The following NIPAL4 variants were observed in gnomAD, a reference collection of about 807,000 sequenced individuals.
NIPAL4 encodes the protein NIPA like domain containing 4, also known as magnesium transporter NIPA4.
NIPAL4 carries 21 observed loss-of-function variants against 31.6 expected under a neutral mutation model. The ratio of observed to expected loss-of-function variants is 0.67; its 90% CI spans 0.47 to 0.96. The LOEUF is 0.96. Ranked by LOEUF, NIPAL4 falls within the 40% of genes least tolerant of loss-of-function variation. The pLI, the probability that NIPAL4 is intolerant of heterozygous loss-of-function variation, is 0.00. For missense variants in NIPAL4, 438 were observed against 508.0 expected, an observed-to-expected ratio of 0.86 and a Z score of 1.32; for synonymous variants, 175 against 211.1, an observed-to-expected ratio of 0.83 and a Z score of 1.48.
At position 157,472,652 on chromosome 5, in the gene NIPAL4, A is replaced by G; in HGVS notation, c.907A>G (p.Thr303Ala). Reference sequence around the variant, plus strand: ...GTTCCCCATCTACTACGTGTTCTTCACCACGGTGGTCGTTACCTCGTCCAT... The same window carrying G: ...GTTCCCCATCTACTACGTGTTCTTCGCCACGGTGGTCGTTACCTCGTCCAT... The part of the protein sequence containing the change: ...LVFPIYYVFF[T>A]TVVVTSSIIL... Residue 303 changes from threonine to alanine, a missense_variant, in exon 6 of 6, where the codon ACC becomes GCC. Transcript: ENST00000311946. 1 of 1,613,812 alleles carries G rather than the reference A, an allele frequency of 6.2e-7. No individual in the cohort carries two copies. Among genetic ancestry groups the G allele is most frequent in the Non-Finnish European group, 8.5e-7 (1 of 1,179,860 alleles).
intron 3 of NIPAL4, among the ~76,000 whole-genome samples, chr5:157,468,434 A>G (rs900522954): frequency 1.3e-5 from 2 of 152,238 alleles, no homozygotes; most frequent in African/African-American, 4.8e-5. Flanking sequence ...TGTGCCTGTC[A>G]GACTAGAAGC....
chr5:157,460,429 C>T, intron 1 of NIPAL4, 72 bp downstream of exon 1: 1 of 1,398,402 alleles, frequency 7.2e-7, no homozygotes, highest in Non-Finnish European at 9.8e-7. Flanking sequence ...ACCGCTCTCC[C>T]TCGCATCCTC....
At chr5:157,468,646 C>A in intron 3 of NIPAL4, 76 bp from the exon 4 acceptor site, 2 of 852,876 alleles carry the variant, frequency 2.3e-6, no homozygotes, top group Non-Finnish European at 4.1e-6. Flanking sequence ...CAGCTTGTTG[C>A]ACACGGAATT....
chr5:157,460,379 A>G, intron 1 of NIPAL4, 22 bp downstream of exon 1: 8 of 1,535,634 alleles, frequency 5.2e-6, no homozygotes, highest in Non-Finnish European at 7.0e-6. Flanking sequence ...AGGGCTGGGG[A>G]CCAGGCGGGC....
At chr5:157,467,479 C>T in intron 3 of NIPAL4, 1 of 271,436 alleles carries the variant, frequency 3.7e-6, no homozygotes, top group South Asian at 4.2e-5. Context: ...AATGTGTTGG[C>T]CCACTTAGAA....
intron 4 of NIPAL4, among the ~76,000 whole-genome samples, chr5:157,470,778 C>T (rs73309965): frequency 0.016 from 2,486 of 152,254 alleles, 63 homozygotes; most frequent in African/African-American, 0.058. Context: ...CCTACAATGG[C>T]CTCATTTGGC....
At position 157,472,719 on chromosome 5, in the gene NIPAL4, T is replaced by C. The variant is rs747404905; in HGVS notation, c.974T>C (p.Ile325Thr). ...TGGTACAGCATGTCTGCTGTGGACA[T>C]TGCAGGCACCCTCTCGGGCTTTGTC... Reference protein sequence around the residue: ...KEWYSMSAVDIAGTLSGFVTI... With the variant: ...KEWYSMSAVDTAGTLSGFVTI... The change falls in exon 6 of 6, where the codon ATT becomes ACT. Residue 325 changes from isoleucine to threonine, a missense_variant. By Grantham distance (89) the Ile-to-Thr change is moderately conservative. Coordinates refer to ENST00000311946, the MANE Select transcript of NIPAL4 (RefSeq NM_001099287.2). The C allele has an allele frequency of 5.6e-6, 9 of 1,613,878 alleles. No individual in the cohort carries two copies. Among genetic ancestry groups the C allele is most frequent in the East Asian group, 2.2e-5 (1 of 44,876 alleles).
At chr5:157,470,034 A>G (rs1190252287) in intron 4 of NIPAL4, among the ~76,000 whole-genome samples, 2 of 152,104 alleles carry the variant, frequency 1.3e-5, no homozygotes, top group Non-Finnish European at 2.9e-5. Flanking sequence ...CGGCCAAAAT[A>G]TTTTTGGTAG....
At chr5:157,464,847 T>G (rs1396325470) in intron 2 of NIPAL4, among the ~76,000 whole-genome samples, 1 of 152,208 alleles carries the variant, frequency 6.6e-6, no homozygotes, top group Non-Finnish European at 1.5e-5. Flanking sequence ...GATTCAATTC[T>G]GGGCAAGAAA....
intron 1 of NIPAL4, among the ~76,000 whole-genome samples, chr5:157,461,836 A>C (rs1366048224): frequency 6.6e-6 from 1 of 152,324 alleles, no homozygotes; most frequent in Non-Finnish European, 1.5e-5. Flanking sequence ...CAGAAAAAAT[A>C]AGAATTTAGA....
chr5:157,472,603 G>A lies in NIPAL4; in HGVS notation c.858G>A (p.Leu286=), dbSNP rs372689012. 2 of 1,613,784 alleles carry A rather than the reference G, an allele frequency of 1.2e-6. No homozygotes were observed. The highest frequency in any genetic ancestry group is 1.7e-6 in the Non-Finnish European group (2 of 1,179,852). The change falls in exon 6 of 6, where the codon CTG becomes CTA. Residue 286 remains leucine (L), a synonymous_variant. Transcript: ENST00000311946. ...AGGTCAACTTCCTCAACAGAGCACTGGACATTTTCAACACTTCCCTGGTGT... is the reference window on the plus strand; with the variant it reads ...AGGTCAACTTCCTCAACAGAGCACTAGACATTTTCAACACTTCCCTGGTGT... The part of the protein sequence containing the change: ...STQVNFLNRA[L]DIFNTSLVFP...
At chr5:157,468,907 T>A in intron 4 of NIPAL4, 95 bp downstream of exon 4, 1 of 811,112 alleles carries the variant, frequency 1.2e-6, no homozygotes, top group Non-Finnish European at 2.0e-6. Context: ...CACTTGGCAA[T>A]CAGGGACCTG....
rs878877445 is a variant in NIPAL4, at chr5:157,466,965, C to T, written c.278-84C>T. ...GCCTCAAGGAGCAGCCCTTAGAGGCCGGGGAGTGAGCAGAGAGTTAGGAAA... is the reference window on the plus strand; with the variant it reads ...GCCTCAAGGAGCAGCCCTTAGAGGCTGGGGAGTGAGCAGAGAGTTAGGAAA... On this transcript the variant is annotated intron_variant, in intron 2 of 5. Transcript: ENST00000311946. 30 of 1,026,774 alleles carry T rather than the reference C, an allele frequency of 2.9e-5. No individual in the cohort carries two copies. The South Asian group carries it at 3.1e-4, about 10-fold the overall frequency. 63.6% of individuals were successfully genotyped at this position (1,026,774 alleles called of 1,614,324 possible).
chr5:157,468,650 C>T (rs938823790), intron 3 of NIPAL4, 72 bp from the exon 4 acceptor site: 70 of 875,708 alleles, frequency 8.0e-5, no homozygotes, highest in Middle Eastern at 2.2e-4. Context: ...TTGTTGCACA[C>T]GGAATTATTC....
chr5:157,471,083 T>G (rs1193719020), intron 4 of NIPAL4, among the ~76,000 whole-genome samples: 4 of 152,210 alleles, frequency 2.6e-5, no homozygotes, highest in African/African-American at 9.7e-5. Context: ...AGCACAGATA[T>G]TTCGTATGAA....
At chr5:157,471,547 G>A in intron 4 of NIPAL4, 110 bp from the exon 5 acceptor site, 1 of 824,678 alleles carries the variant, frequency 1.2e-6, no homozygotes, top group Non-Finnish European at 1.9e-6. Context: ...TGAGAAACTA[G>A]TGAGTTCTGA....
Position 157,472,447 on chromosome 5 carries a change from C to G in NIPAL4, c.702C>G (p.Ile234Met), listed in dbSNP as rs372405072. 95 of 1,613,860 alleles carry G rather than the reference C, an allele frequency of 5.9e-5. No homozygotes were observed. In the African/African-American group the frequency reaches 1.1e-3, roughly 19 times the overall value. The change falls in exon 6 of 6, where the codon ATC becomes ATG. Residue 234 changes from isoleucine (I) to methionine (M), a missense_variant. By Grantham distance (10) the Ile-to-Met change is conservative. Transcript: ENST00000311946. Reference protein sequence around the residue: ...ILIYIIICSVIGAFSVAAVKG... With the variant: ...ILIYIIICSVMGAFSVAAVKG... ...TCTACATCATCATCTGCTCTGTGAT[C>G]GGGGCCTTCTCTGTGGCTGCTGTCA... is the stretch of plus-strand genomic sequence containing the variant.
chr5:157,466,232 A>C (rs1754268409), intron 2 of NIPAL4, among the ~76,000 whole-genome samples: 1 of 152,198 alleles, frequency 6.6e-6, no homozygotes, highest in African/African-American at 2.4e-5. Flanking sequence ...ACACAGGGAA[A>C]GCATGTGCAA....
intron 1 of NIPAL4, among the ~76,000 whole-genome samples, chr5:157,461,538 C>A (rs1754108289): frequency 6.6e-6 from 1 of 152,212 alleles, no homozygotes; most frequent in African/African-American, 2.4e-5. Flanking sequence ...CCCATGTTCT[C>A]CCAGGTTCTG....
Sources: allele counts gnomAD v4.1 joint callset (sites outside exome capture counted in the v4.1 genomes callset), GRCh38; gene constraint gnomAD v4.1.1; transcripts MANE v1.5; gene names NCBI Gene and HGNC (gene_info 2026-07-23, HGNC 2026-07-21).